The following ITM2B variants were observed in gnomAD, a reference collection of about 807,000 sequenced individuals.
ITM2B encodes the protein ABri/ADan amyloid peptide.
Under a neutral mutation model 27.8 loss-of-function variants are expected in ITM2B, and 11 were observed. The observed-to-expected ratio is 0.40, with a 90% CI of 0.25 to 0.66. The LOEUF (loss-of-function observed/expected upper bound fraction) is 0.66, where lower values mean the gene tolerates loss of function less well. Ranked by LOEUF, ITM2B falls within the 30% of genes least tolerant of loss-of-function variation. The pLI, the probability that ITM2B is intolerant of heterozygous loss-of-function variation, is 0.43. For missense variants in ITM2B, 296 were observed against 328.9 expected (o/e 0.90, Z 0.77); for synonymous variants, 114 against 114.3 (o/e 1.00, Z 0.02).
intron 1 of ITM2B, among the ~76,000 whole-genome samples, chr13:48,235,755 G>T (rs919874605): frequency 6.6e-6 from 1 of 152,202 alleles, no homozygotes; most frequent in Non-Finnish European, 1.5e-5. Context: ...CCTTTGCCTG[G>T]TTGGTTGAAA....
At chr13:48,233,893 A>G (rs913304167) in intron 1 of ITM2B, among the ~76,000 whole-genome samples, 1 of 152,182 alleles carries the variant, frequency 6.6e-6, no homozygotes, top group African/African-American at 2.4e-5. Flanking sequence ...CATCATTACA[A>G]GCCTAAACCT....
At position 48,268,158 on chromosome 13, in the gene ITM2B, T is replaced by C. The variant is rs554353456; in HGVS notation, c.*6934T>C. 6.6e-6 allele frequency: 1 copy of C among 152,302 alleles called. No homozygotes were observed. Among genetic ancestry groups the C allele is most frequent in the African/African-American group, 2.4e-5 (1 of 41,574 alleles). The allele number at this position is 152,302 out of a possible 1,614,324, so 9.4% of individuals were successfully genotyped here. On this transcript the variant is annotated 3_prime_UTR_variant, in exon 6 of 6. Transcript: ENST00000647800. ...GAATGGAATCGTACATATATAATCT[T>C]TTTGTTTGGCTTTTAAAACTCAGTA...
At chr13:48,241,188 C>T (rs896775982) in intron 1 of ITM2B, among the ~76,000 whole-genome samples, 5 of 152,206 alleles carry the variant, frequency 3.3e-5, no homozygotes, top group African/African-American at 1.2e-4. Context: ...ATCTTAACTC[C>T]ATGTTTCTCA....
intron 5 of ITM2B, among the ~76,000 whole-genome samples, chr13:48,259,478 C>G (rs990136519): frequency 6.6e-6 from 1 of 152,154 alleles, no homozygotes; most frequent in South Asian, 2.1e-4. Flanking sequence ...ATAAGAATTA[C>G]AGTATCTCCC....
At chr13:48,247,047 C>T (rs1293629876) in intron 1 of ITM2B, among the ~76,000 whole-genome samples, 1 of 152,130 alleles carries the variant, frequency 6.6e-6, no homozygotes, top group Non-Finnish European at 1.5e-5. Flanking sequence ...AGGATGGTCT[C>T]GATCTCCTGA....
chr13:48,258,696 CCT>C (rs1951804195), intron 4 of ITM2B, 99 bp from the exon 5 acceptor site: 1 of 1,085,564 alleles, frequency 9.2e-7, no homozygotes, highest in African/African-American at 1.5e-5. Flanking sequence ...AGTTTGGCAA[CCT>C]GTTCCATACC....
At chr13:48,244,879 C>T (rs562618814) in intron 1 of ITM2B, among the ~76,000 whole-genome samples, 2 of 152,200 alleles carry the variant, frequency 1.3e-5, no homozygotes, top group African/African-American at 2.4e-5. Flanking sequence ...CAATTTATCC[C>T]GGTAAAGGAT....
In ITM2B at chr13:48,265,415, C is replaced by T. The variant is rs1951846986; in HGVS notation, c.*4191C>T. The stretch of plus-strand genomic sequence containing the variant: ...AGAAACCCCACAGTCTTCACAGTCA[C>T]TGTGTCCTCCACCTCCTAGCAGCTT... On this transcript the variant is annotated 3_prime_UTR_variant, in exon 6 of 6. Coordinates refer to ENST00000647800, the MANE Select transcript of ITM2B (RefSeq NM_021999.5). 6.6e-6 allele frequency: 1 copy of T among 152,316 alleles called. No individual in the cohort carries two copies. The highest frequency in any genetic ancestry group is 1.5e-5 in the Non-Finnish European group (1 of 68,128). The allele number at this position is 152,316 out of a possible 1,614,324, so 9.4% of individuals were successfully genotyped here.
chr13:48,241,149 G>A (rs1036708047), intron 1 of ITM2B, among the ~76,000 whole-genome samples: 5 of 152,150 alleles, frequency 3.3e-5, no homozygotes, highest in Non-Finnish European at 5.9e-5. Flanking sequence ...TCCTTGTACT[G>A]GAAACAACCT....
In ITM2B at chr13:48,261,136, C is replaced by T; in HGVS notation, c.716-3C>T. The T allele has an allele frequency of 6.2e-7, 1 of 1,608,106 alleles. No individual in the cohort carries two copies. Among genetic ancestry groups the T allele is most frequent in the South Asian group, 1.1e-5 (1 of 90,532 alleles). On this transcript the variant is annotated splice_region_variant and splice_polypyrimidine_tract_variant and intron_variant, in intron 5 of 5. Coordinates refer to ENST00000647800, the MANE Select transcript of ITM2B (RefSeq NM_021999.5). ...TTAAAAAACTTTTTTCCCTCTCCAA[C>T]AGGTATTCAGAAACGTGAAGCCAGC... is the stretch of plus-strand genomic sequence containing the variant.
intron 1 of ITM2B, among the ~76,000 whole-genome samples, chr13:48,240,669 A>G (rs1951694688): frequency 6.6e-6 from 1 of 152,208 alleles, no homozygotes; most frequent in African/African-American, 2.4e-5. Flanking sequence ...TTATTTATTC[A>G]TTACATAATA....
At chr13:48,241,829 CAT>C in intron 1 of ITM2B, among the ~76,000 whole-genome samples, 1 of 152,116 alleles carries the variant, frequency 6.6e-6, no homozygotes, top group East Asian at 1.9e-4. Context: ...TGTATATAAA[CAT>C]AGCGAGAGAA....
chr13:48,256,549 G>A (rs1593395800), intron 3 of ITM2B, among the ~76,000 whole-genome samples, 166 bp downstream of exon 3: 1 of 152,254 alleles, frequency 6.6e-6, no homozygotes, highest in South Asian at 2.1e-4. Context: ...TGCTGATGCA[G>A]CCTTCTCATA....
chr13:48,255,261 G>GCA (rs1566162994), intron 2 of ITM2B, among the ~76,000 whole-genome samples: 1 of 151,540 alleles, frequency 6.6e-6, no homozygotes, highest in Non-Finnish European at 1.5e-5. Flanking sequence ...GTGTGCGCGC[G>GCA]CGTGTGCGTG....
rs1566165127 is a variant in ITM2B, at chr13:48,262,186, T to G, written c.*962T>G. ...CCAAGGAACGTAAAATAACTGTGCT[T>G]CTCTGAGAATGCCCGCCTCACAAGT... On this transcript the variant is annotated 3_prime_UTR_variant, in exon 6 of 6. Coordinates refer to ENST00000647800, the MANE Select transcript of ITM2B (RefSeq NM_021999.5). 6.6e-6 allele frequency: 1 copy of G among 152,120 alleles called. No homozygotes were observed. The highest frequency in any genetic ancestry group is 1.5e-5 in the Non-Finnish European group (1 of 68,000). 9.4% of individuals were successfully genotyped at this position (152,120 alleles called of 1,614,324 possible).
chr13:48,251,036 A>T (rs9595880), intron 1 of ITM2B, among the ~76,000 whole-genome samples: 2,792 of 152,308 alleles, frequency 0.018, 106 homozygotes, highest in East Asian at 0.12. Context: ...ATTGAATTTT[A>T]AAAAAATATT....
intron 1 of ITM2B, among the ~76,000 whole-genome samples, chr13:48,234,098 A>G (rs1456735466): frequency 6.6e-6 from 1 of 152,116 alleles, no homozygotes; most frequent in Non-Finnish European, 1.5e-5. Flanking sequence ...TCTTACCATT[A>G]CTAGTAAAGG....
chr13:48,259,995 C>G (rs930616038), intron 5 of ITM2B, among the ~76,000 whole-genome samples: 3 of 152,096 alleles, frequency 2.0e-5, no homozygotes, highest in African/African-American at 7.2e-5. Flanking sequence ...TTATCCCTCC[C>G]CTAGGCCCCC....
At chr13:48,240,737 A>C (rs1043252476) in intron 1 of ITM2B, among the ~76,000 whole-genome samples, 2 of 152,238 alleles carry the variant, frequency 1.3e-5, no homozygotes, top group Non-Finnish European at 2.9e-5. Context: ...ATGCAAATAT[A>C]TAGTCCTGCC....
Sources: gnomAD v4.1 joint callset for allele counts (sites outside exome capture counted in the v4.1 genomes callset) on GRCh38, gnomAD v4.1.1 for gene constraint, MANE v1.5 for transcripts, NCBI Gene and HGNC (gene_info 2026-07-23, HGNC 2026-07-21) for gene names.